TENM3: variants seen among roughly 807,000 people sequenced by gnomAD.
TENM3 encodes teneurin-3.
A neutral mutation model predicts 255.1 loss-of-function variants in TENM3; 63 were observed. The ratio of observed to expected loss-of-function variants is 0.25; its 90% CI spans 0.20 to 0.30. The LOEUF is 0.30. Among genes scored for constraint, TENM3 ranks in the 10% least tolerant of loss-of-function variants. The pLI is 1.00. For synonymous variants in TENM3, 1,306 were observed against 1,322.3 expected (o/e 0.99, Z 0.27); for missense variants, 2,929 against 3,461.1 (o/e 0.85, Z 3.86).
At chr4:181,544,316 T>C in the TENM3 span, among the ~76,000 whole-genome samples, 1 of 149,288 alleles carries the variant, frequency 6.7e-6, no homozygotes, top group African/African-American at 2.5e-5. Context: ...GATCCATTGC[T>C]AACTAGTTAA....
chr4:182,662,487 ACTCTGTTGCCCT>A (rs1754307339), intron 6 of TENM3, among the ~76,000 whole-genome samples: 1 of 152,108 alleles, frequency 6.6e-6, no homozygotes, highest in Non-Finnish European at 1.5e-5. Flanking sequence ...ACTACAGGGC[ACTCTGTTGCCCT>A]GTCTCTATTT....
intron 1 of TENM3, among the ~76,000 whole-genome samples, chr4:182,290,843 C>T (rs1022863613): frequency 8.1e-6 from 1 of 124,202 alleles, no homozygotes; most frequent in African/African-American, 3.0e-5. Flanking sequence ...TAATTTGAGA[C>T]AGAGTCTTGC....
chr4:181,991,360 G>C, the TENM3 span, among the ~76,000 whole-genome samples: 1 of 152,116 alleles, frequency 6.6e-6, no homozygotes, highest in Non-Finnish European at 1.5e-5. Context: ...GCACTAGCTT[G>C]CCTTTTCCAT....
chr4:182,729,932 A>G lies in TENM3; in HGVS notation c.2586-268A>G, dbSNP rs912608764. Among the ~76,000 whole-genome samples the G allele has an allele frequency of 2.6e-5, 4 of 152,212 alleles. No homozygotes were observed. In the South Asian group the frequency reaches 8.3e-4, roughly 32 times the overall value. On this transcript the variant is annotated intron_variant, in intron 14 of 27. Coordinates refer to ENST00000511685, the MANE Select transcript of TENM3 (RefSeq NM_001080477.4). ...ACAGAGTTTATCATTTTAAAAATTCATCTCTAAATTATTAGTCTTGATAAC... is the reference window on the plus strand; with the variant it reads ...ACAGAGTTTATCATTTTAAAAATTCGTCTCTAAATTATTAGTCTTGATAAC...
At chr4:181,460,695 T>G in the TENM3 span, among the ~76,000 whole-genome samples, 3 of 135,522 alleles carry the variant, frequency 2.2e-5, no homozygotes, top group East Asian at 6.3e-4. Flanking sequence ...TTTTTTTTCA[T>G]GGTTGCTCAT....
intron 6 of TENM3, among the ~76,000 whole-genome samples, chr4:182,656,184 A>G (rs1753730050): frequency 6.6e-6 from 1 of 152,166 alleles, no homozygotes; most frequent in African/African-American, 2.4e-5. Context: ...GGTTAACGGA[A>G]GCCCCAGAAT....
intron 3 of TENM3, among the ~76,000 whole-genome samples, chr4:182,445,468 C>T (rs1436228612): frequency 2.6e-5 from 4 of 152,008 alleles, no homozygotes; most frequent in African/African-American, 9.7e-5. Context: ...TAATAATTAG[C>T]GGGAAAGGTA....
chr4:181,817,873 C>T, the TENM3 span, among the ~76,000 whole-genome samples: 18 of 152,124 alleles, frequency 1.2e-4, no homozygotes, highest in Non-Finnish European at 1.9e-4. Context: ...CTGCTGTATC[C>T]TGTTATAGCA....
chr4:181,836,485 G>T, the TENM3 span, among the ~76,000 whole-genome samples: 1 of 152,082 alleles, frequency 6.6e-6, no homozygotes, highest in Non-Finnish European at 1.5e-5. Flanking sequence ...TGAGGGATGG[G>T]TTCAATTTCT....
the TENM3 span, among the ~76,000 whole-genome samples, chr4:181,852,855 G>A: frequency 3.3e-5 from 5 of 152,300 alleles, no homozygotes; most frequent in Admixed American, 1.3e-4. Context: ...GAAAGCCAGC[G>A]TAGTGGTGAT....
chr4:182,400,211 C>T (rs765824432), intron 3 of TENM3, among the ~76,000 whole-genome samples: 8 of 152,052 alleles, frequency 5.3e-5, no homozygotes, highest in East Asian at 1.9e-4. Flanking sequence ...GCAGAACACA[C>T]GTACAATTTT....
chr4:181,525,417 A>G, the TENM3 span, among the ~76,000 whole-genome samples: 1 of 138,356 alleles, frequency 7.2e-6, no homozygotes, highest in African/African-American at 2.7e-5. Flanking sequence ...AAAAAAAAAA[A>G]GGAATGCAGA....
intron 4 of TENM3, among the ~76,000 whole-genome samples, chr4:182,619,884 A>G (rs1749934880): frequency 6.6e-6 from 1 of 152,226 alleles, no homozygotes; most frequent in Non-Finnish European, 1.5e-5. Flanking sequence ...ACATCAGAAC[A>G]AAAGGTGTGC....
chr4:181,663,539 A>G, the TENM3 span, among the ~76,000 whole-genome samples: 4 of 152,360 alleles, frequency 2.6e-5, no homozygotes, highest in South Asian at 6.2e-4. Flanking sequence ...AAAGCTGGGT[A>G]GAATTTAACA....
the TENM3 span, among the ~76,000 whole-genome samples, chr4:181,839,858 T>C: frequency 6.6e-6 from 1 of 151,962 alleles, no homozygotes; most frequent in Non-Finnish European, 1.5e-5. Context: ...AAAATATGCC[T>C]AGGTTTACAT....
chr4:182,448,427 C>T (rs1402633727), intron 3 of TENM3, among the ~76,000 whole-genome samples: 1 of 152,136 alleles, frequency 6.6e-6, no homozygotes, highest in South Asian at 2.1e-4. Context: ...CAGCGCGTCC[C>T]GCGAGCTGGA....
At chr4:181,868,662 G>T in the TENM3 span, among the ~76,000 whole-genome samples, 1 of 152,138 alleles carries the variant, frequency 6.6e-6, no homozygotes, top group Non-Finnish European at 1.5e-5. Flanking sequence ...GCAAAAGATT[G>T]TCTTTTAGCA....
intron 1 of TENM3, among the ~76,000 whole-genome samples, chr4:182,260,930 C>A (rs1477578589): frequency 6.6e-6 from 1 of 151,904 alleles, no homozygotes; most frequent in Non-Finnish European, 1.5e-5. Context: ...GGCTGGAGTG[C>A]AGAGGCGTGA....
At chr4:181,950,523 A>T in the TENM3 span, among the ~76,000 whole-genome samples, 8 of 152,176 alleles carry the variant, frequency 5.3e-5, no homozygotes. Flanking sequence ...TTATGCAATT[A>T]TCTGTCCCAG....
Sources: gnomAD v4.1 joint callset for allele counts (sites outside exome capture counted in the v4.1 genomes callset) on GRCh38, gnomAD v4.1.1 for gene constraint, MANE v1.5 for transcripts, NCBI Gene and HGNC (gene_info 2026-07-23, HGNC 2026-07-21) for gene names.